The following OPCML variants were observed in gnomAD, a reference collection of about 807,000 sequenced individuals.
OPCML encodes opioid binding protein/cell adhesion molecule like, also known as opioid-binding protein/cell adhesion molecule.
A neutral mutation model predicts 37.8 loss-of-function variants in OPCML; 13 were observed. The ratio of observed to expected loss-of-function variants is 0.34; its 90% CI spans 0.22 to 0.55. OPCML has a LOEUF of 0.55. Ranked by LOEUF, OPCML falls within the 20% of genes least tolerant of loss-of-function variation. OPCML has a pLI of 0.91. For missense variants in OPCML, 341 were observed against 435.6 expected (o/e 0.78, Z 1.93); for synonymous variants, 176 against 168.8 (o/e 1.04, Z -0.33).
At chr11:133,226,689 G>C (rs1940052933) in intron 1 of OPCML, among the ~76,000 whole-genome samples, 2 of 152,144 alleles carry the variant, frequency 1.3e-5, no homozygotes, top group South Asian at 4.1e-4. Context: ...CTAAAATCAA[G>C]CTAATGGGAC....
At chr11:133,098,206 G>A (rs1949032552) in intron 1 of OPCML, among the ~76,000 whole-genome samples, 1 of 150,858 alleles carries the variant, frequency 6.6e-6, no homozygotes. Context: ...ATGCAAGGCT[G>A]GTTAAACTTT....
intron 3 of OPCML, among the ~76,000 whole-genome samples, chr11:132,601,047 C>T (rs1382858900): frequency 6.6e-6 from 1 of 151,920 alleles, no homozygotes; most frequent in African/African-American, 2.4e-5. Context: ...AATGTATATA[C>T]AAATTAAATA....
At chr11:133,280,156 T>C (rs1942105257) in intron 1 of OPCML, among the ~76,000 whole-genome samples, 1 of 152,212 alleles carries the variant, frequency 6.6e-6, no homozygotes, top group South Asian at 2.1e-4. Flanking sequence ...CCTCCTAGAT[T>C]TGCATATAAA....
chr11:132,701,820 T>C (rs974047065), intron 2 of OPCML, among the ~76,000 whole-genome samples: 26 of 37,720 alleles, frequency 6.9e-4, no homozygotes, highest in Middle Eastern at 0.012. Context: ...TGTGCTTTCC[T>C]TTTTTTTTTA....
chr11:132,696,882 G>T (rs1005173847), intron 2 of OPCML, among the ~76,000 whole-genome samples: 1 of 152,086 alleles, frequency 6.6e-6, no homozygotes, highest in Non-Finnish European at 1.5e-5. Flanking sequence ...ACAAATTATA[G>T]GCTGAATACC....
chr11:132,732,881 C>T (rs1945127123), intron 2 of OPCML, among the ~76,000 whole-genome samples: 1 of 151,946 alleles, frequency 6.6e-6, no homozygotes, highest in South Asian at 2.1e-4. Flanking sequence ...ACCTGAAGAA[C>T]AGAAGGCAAG....
chr11:133,117,892 A>G, intron 1 of OPCML: 1 of 985,110 alleles, frequency 1.0e-6, no homozygotes, highest in Non-Finnish European at 1.2e-6. Flanking sequence ...ACTTTATCAA[A>G]TGAAGTCTTC....
In OPCML at chr11:133,000,067, T is replaced by A. The variant is rs11820094; in HGVS notation, c.62-57057A>T. Reference sequence around the variant, plus strand: ...AGAACTTCATTTTTGTTTTTGTTTTTTTGTTTTGAGACACAGTCTCACTCT... The same window carrying A: ...AGAACTTCATTTTTGTTTTTGTTTTATTGTTTTGAGACACAGTCTCACTCT... On this transcript the variant is annotated intron_variant, in intron 1 of 7. Transcript: ENST00000524381. 1.6e-3 allele frequency among the ~76,000 whole-genome samples: 241 copies of A among 152,324 alleles called. 1 individual carries two copies. The highest frequency in any genetic ancestry group is 5.5e-3 in the African/African-American group (228 of 41,574).
At chr11:133,309,556 A>G (rs1021324430) in intron 1 of OPCML, among the ~76,000 whole-genome samples, 6 of 152,204 alleles carry the variant, frequency 3.9e-5, no homozygotes, top group African/African-American at 1.4e-4. Flanking sequence ...GTGACAGAAA[A>G]CAGAACTGAA....
chr11:132,531,803 G>A (rs371462230), intron 3 of OPCML, among the ~76,000 whole-genome samples: 20 of 150,922 alleles, frequency 1.3e-4, no homozygotes, highest in African/African-American at 4.9e-4. Flanking sequence ...AATAGTTCTG[G>A]GCTTAGAAAT....
chr11:133,023,157 A>C (rs1454341794), intron 1 of OPCML, among the ~76,000 whole-genome samples: 1 of 152,226 alleles, frequency 6.6e-6, no homozygotes, highest in African/African-American at 2.4e-5. Flanking sequence ...TGCCATAAGC[A>C]GGTGCAGAGC....
intron 1 of OPCML, among the ~76,000 whole-genome samples, chr11:133,514,284 G>A (rs1462483182): frequency 5.9e-5 from 9 of 152,198 alleles, no homozygotes; most frequent in South Asian, 2.1e-4. Context: ...CAAGGGAGGC[G>A]AGTTGGCTGC....
At chr11:132,980,730 T>C (rs1946562816) in intron 1 of OPCML, among the ~76,000 whole-genome samples, 1 of 152,212 alleles carries the variant, frequency 6.6e-6, no homozygotes, top group African/African-American at 2.4e-5. Flanking sequence ...GATAATTTGG[T>C]AAATGGCACA....
intron 3 of OPCML, among the ~76,000 whole-genome samples, chr11:132,562,924 G>A (rs529206057): frequency 3.6e-4 from 55 of 152,280 alleles, no homozygotes; most frequent in African/African-American, 1.2e-3. Context: ...ATCTCTGAAC[G>A]TACACTGAGC....
intron 1 of OPCML, among the ~76,000 whole-genome samples, chr11:133,146,312 C>CTT (rs869237328): frequency 6.5e-4 from 84 of 128,730 alleles, no homozygotes; most frequent in African/African-American, 1.3e-3. Flanking sequence ...TCCATCTTTT[C>CTT]TTTTTTTTTT....
At chr11:133,363,534 G>A (rs756240897) in intron 1 of OPCML, among the ~76,000 whole-genome samples, 3 of 152,190 alleles carry the variant, frequency 2.0e-5, no homozygotes, top group Non-Finnish European at 2.9e-5. Flanking sequence ...TTTGGCTATT[G>A]CTATAATAGA....
intron 3 of OPCML, among the ~76,000 whole-genome samples, chr11:132,607,226 A>G (rs1254592499): frequency 1.3e-5 from 2 of 152,188 alleles, no homozygotes; most frequent in African/African-American, 4.8e-5. Context: ...TTAAAAGTCA[A>G]CTGGACCCCT....
intron 1 of OPCML, among the ~76,000 whole-genome samples, chr11:133,104,121 C>G (rs715352): frequency 6.6e-6 from 1 of 152,112 alleles, no homozygotes; most frequent in Non-Finnish European, 1.5e-5. Flanking sequence ...GCCCATTAGA[C>G]AGCTCCACAT....
chr11:132,578,531 T>C (rs1248901222), intron 3 of OPCML, among the ~76,000 whole-genome samples: 1 of 152,208 alleles, frequency 6.6e-6, no homozygotes, highest in Non-Finnish European at 1.5e-5. Flanking sequence ...CTTGTACTCA[T>C]TTTAAGGTAT....
Sources: allele counts gnomAD v4.1 joint callset (sites outside exome capture counted in the v4.1 genomes callset), GRCh38; gene constraint gnomAD v4.1.1; transcripts MANE v1.5; gene names NCBI Gene and HGNC (gene_info 2026-07-23, HGNC 2026-07-21).